The following EPHB3 variants were observed in gnomAD, a reference collection of about 807,000 sequenced individuals.
The protein encoded by EPHB3 is EPH receptor B3.
Under a neutral mutation model 100.2 loss-of-function variants are expected in EPHB3, and 33 were observed. The observed-to-expected ratio is 0.33, with a 90% CI of 0.25 to 0.44. The LOEUF is 0.44. Ranked by LOEUF, EPHB3 falls within the 20% of genes least tolerant of loss-of-function variation. EPHB3 has a pLI of 1.00. For synonymous variants in EPHB3, 526 were observed against 554.7 expected, an observed-to-expected ratio of 0.95 and a Z score of 0.73; for missense variants, 1,045 against 1,378.3, an observed-to-expected ratio of 0.76 and a Z score of 3.83.
Position 184,563,474 on chromosome 3 carries a change from A to C in EPHB3, c.118+1121A>C, listed in dbSNP as rs1159775380. 1.3e-5 allele frequency among the ~76,000 whole-genome samples: 2 copies of C among 152,232 alleles called. No individual in the cohort carries two copies. The highest frequency in any genetic ancestry group is 6.5e-5 in the Admixed American group (1 of 15,282). On this transcript the variant is annotated intron_variant, in intron 1 of 15. Coordinates refer to ENST00000330394, the MANE Select transcript of EPHB3 (RefSeq NM_004443.4). This position sits in a 1 kb window ranked among gnomAD's most constrained non-coding sequence, Gnocchi z 4.1. ...GAACTTGGCTTGTTCTTATGTTCAC[A>C]GTCGGTAAACTTAAAGGTTGGAAGG...
In EPHB3 at chr3:184,581,362, A is replaced by C; in HGVS notation, c.2842A>C (p.Ser948Arg). The change falls in exon 15 of 16, where the codon AGT (serine) becomes CGT (arginine). Residue 948 changes from serine to arginine, a missense_variant. This residue lies in a region of EPHB3 where 985 missense variants were observed against 1,331.1 expected (regional missense o/e 0.74). Coordinates refer to ENST00000330394, the MANE Select transcript of EPHB3 (RefSeq NM_004443.4). ...KMGRYKESFV[S>R]AGFASFDLVA... ...GGGGCGGTACAAGGAGAGCTTCGTC[A>C]GTGCGGGGTTTGCATCTTTTGACCT... The C allele has an allele frequency of 6.2e-7, 1 of 1,606,108 alleles. No individual in the cohort carries two copies. The highest frequency in any genetic ancestry group is 8.5e-7 in the Non-Finnish European group (1 of 1,175,842).
rs1224571646 is a variant in EPHB3, at chr3:184,573,916, T to C, written c.856+740T>C. 2.0e-5 allele frequency among the ~76,000 whole-genome samples: 3 copies of C among 152,110 alleles called. No homozygotes were observed. Among genetic ancestry groups the C allele is most frequent in the Non-Finnish European group, 4.4e-5 (3 of 68,014 alleles). On this transcript the variant is annotated intron_variant, in intron 3 of 15. Coordinates refer to ENST00000330394, the MANE Select transcript of EPHB3 (RefSeq NM_004443.4). The surrounding 1 kb of genome is among the most constrained non-coding windows in gnomAD (Gnocchi z 4.5). ...ATTTTTAGTAGACCGGGTTTCACCA[T>C]GTTGGTCAGGCTGGTCTCGAACTCC... is the stretch of plus-strand genomic sequence containing the variant.
chr3:184,562,250 C>CCCGCCG lies in EPHB3; in HGVS notation c.25_30dup (p.Pro9_Pro10dup), dbSNP rs763165946. ...CTGCCACGGCCATGGCCAGAGCCCGCCCGCCGCCGCCGCCGTCGCCGCCGC... is the reference window on the plus strand; with the variant it reads ...CTGCCACGGCCATGGCCAGAGCCCGCCCGCCGCCGCCGCCGCCGCCGTCGCCGCCGC... On this transcript the variant is annotated inframe_insertion, in exon 1 of 16. Transcript: ENST00000330394. This position sits in a 1 kb window ranked among gnomAD's most constrained non-coding sequence, Gnocchi z 4.8. The CCCGCCG allele has an allele frequency of 8.4e-6, 9 of 1,077,060 alleles. No individual in the cohort carries two copies. Among genetic ancestry groups the CCCGCCG allele is most frequent in the African/African-American group, 1.7e-5 (1 of 59,490 alleles). 66.7% of individuals were successfully genotyped at this position (1,077,060 alleles called of 1,614,324 possible).
chr3:184,574,287 T>C (rs907154229), intron 3 of EPHB3, among the ~76,000 whole-genome samples: 16 of 152,328 alleles, frequency 1.1e-4, no homozygotes, highest in African/African-American at 3.8e-4. Context: ...CCAAGACTTA[T>C]GTACTAGGCT....
rs368629402 is a variant in EPHB3, at chr3:184,566,026, TG to T, written c.118+3681del. ...AACTGGTTTGTCGGGATTGGGCAGC[TG>T]GGGGGGGTGAAGGGTGGAGGGAGAC... On this transcript the variant is annotated intron_variant, in intron 1 of 15. Coordinates refer to ENST00000330394, the MANE Select transcript of EPHB3 (RefSeq NM_004443.4). 2.8e-4 allele frequency among the ~76,000 whole-genome samples: 42 copies of T among 151,752 alleles called. No individual in the cohort carries two copies. In the East Asian group the frequency reaches 7.2e-3, roughly 26 times the overall value.
At position 184,563,717 on chromosome 3, in the gene EPHB3, C is replaced by T. The variant is rs116003872; in HGVS notation, c.118+1364C>T. On this transcript the variant is annotated intron_variant, in intron 1 of 15. Transcript: ENST00000330394. The surrounding 1 kb of genome is among the most constrained non-coding windows in gnomAD (Gnocchi z 4.1). ...CACATGTGTGTGATAGGATCGCAGG[C>T]GTGAGAACCCAGTGTGGGGCTTTGT... Among the ~76,000 whole-genome samples the T allele has an allele frequency of 3.3e-3, 498 of 152,324 alleles. 4 individuals carry two copies. Among genetic ancestry groups the T allele is most frequent in the African/African-American group, 0.011 (448 of 41,570 alleles).
rs1236876255 is a variant in EPHB3 at position 184,577,270 on chromosome 3, C to A, written c.1355-73C>A. On this transcript the variant is annotated intron_variant, in intron 5 of 15. Coordinates refer to ENST00000330394, the MANE Select transcript of EPHB3 (RefSeq NM_004443.4). This position sits in a 1 kb window ranked among gnomAD's most constrained non-coding sequence, Gnocchi z 4.9. The stretch of plus-strand genomic sequence containing the variant: ...GACCTGCTAAGGGACCACTGGGGGT[C>A]CCATGGGAAGTGGGTCTTTGGGAAG... The A allele has an allele frequency of 1.1e-5, 17 of 1,587,828 alleles. No homozygotes were observed. Among genetic ancestry groups the A allele is most frequent in the Non-Finnish European group, 1.5e-5 (17 of 1,166,100 alleles).
intron 1 of EPHB3, among the ~76,000 whole-genome samples, chr3:184,568,556 T>G (rs1714453135): frequency 6.6e-6 from 1 of 151,936 alleles, no homozygotes; most frequent in Admixed American, 6.5e-5. Flanking sequence ...GGGCTGGGTC[T>G]CTTTCTCCCA....
At chr3:184,566,288 C>G (rs1714383389) in intron 1 of EPHB3, among the ~76,000 whole-genome samples, 1 of 152,340 alleles carries the variant, frequency 6.6e-6, no homozygotes, top group Non-Finnish European at 1.5e-5. Context: ...CGTTTGGGCT[C>G]CCCGCCCTGG....
rs1714294393 is a variant in EPHB3 at position 184,562,912 on chromosome 3, G to T, written c.118+559G>T. 6.6e-6 allele frequency among the ~76,000 whole-genome samples: 1 copy of T among 152,266 alleles called. No homozygotes were observed. Among genetic ancestry groups the T allele is most frequent in the Admixed American group, 6.5e-5 (1 of 15,294 alleles). On this transcript the variant is annotated intron_variant, in intron 1 of 15. Transcript: ENST00000330394. This position sits in a 1 kb window ranked among gnomAD's most constrained non-coding sequence, Gnocchi z 4.8. ...TTACCGGGCGCCAATTACACCCGAG[G>T]TGCTGTATGGGCGGGCCCCCGCACC...
rs1577529928 is a variant in EPHB3 at position 184,577,577 on chromosome 3, A to G, written c.1480-81A>G. 2 of 1,574,930 alleles carry G rather than the reference A, an allele frequency of 1.3e-6. No individual in the cohort carries two copies. Among genetic ancestry groups the G allele is most frequent in the Admixed American group, 1.7e-5 (1 of 57,488 alleles). ...GCAAGGCCTTGGGTATGGAGGGGGC[A>G]TGTGGCAGGCCTGGGTGTGAATAGG... On this transcript the variant is annotated intron_variant, in intron 6 of 15. Coordinates refer to ENST00000330394, the MANE Select transcript of EPHB3 (RefSeq NM_004443.4). This position sits in a 1 kb window ranked among gnomAD's most constrained non-coding sequence, Gnocchi z 4.9.
rs182245156 is a variant in EPHB3, at chr3:184,563,859, T to A, written c.118+1506T>A. ...ACTGGTACACACACACTCATACACTTACGGGGCTATGTGTCACCTGTGTGT... is the reference window on the plus strand; with the variant it reads ...ACTGGTACACACACACTCATACACTAACGGGGCTATGTGTCACCTGTGTGT... On this transcript the variant is annotated intron_variant, in intron 1 of 15. Transcript: ENST00000330394. This position sits in a 1 kb window ranked among gnomAD's most constrained non-coding sequence, Gnocchi z 4.1. Among the ~76,000 whole-genome samples the A allele has an allele frequency of 2.6e-5, 4 of 152,346 alleles. No individual in the cohort carries two copies. The East Asian group carries it at 7.7e-4, about 29-fold the overall frequency.
rs926795612 is a variant in EPHB3, at chr3:184,573,406, T to C, written c.856+230T>C. 6.6e-6 allele frequency among the ~76,000 whole-genome samples: 1 copy of C among 151,868 alleles called. No individual in the cohort carries two copies. Among genetic ancestry groups the C allele is most frequent in the Non-Finnish European group, 1.5e-5 (1 of 67,944 alleles). On this transcript the variant is annotated intron_variant, in intron 3 of 15. Transcript: ENST00000330394. The surrounding 1 kb of genome is among the most constrained non-coding windows in gnomAD (Gnocchi z 4.5). ...AAGGATAGTAAGAGAAAAAATGACATTAAAGAGAGAGGAAGAGAAGCATGC... is the reference window on the plus strand; with the variant it reads ...AAGGATAGTAAGAGAAAAAATGACACTAAAGAGAGAGGAAGAGAAGCATGC...
At position 184,572,923 on chromosome 3, in the gene EPHB3, G is replaced by A. The variant is rs546016485; in HGVS notation, c.603G>A (p.Ser201=). The A allele has an allele frequency of 8.9e-6, 14 of 1,568,116 alleles. No homozygotes were observed. The South Asian group carries it at 1.4e-4, about 16-fold the overall frequency. ...LAFQDQGACM[S]LISVRAFYKK... ...TCCAGGACCAGGGCGCCTGCATGTC[G>A]CTCATCTCCGTGCGCGCCTTCTACA... The change falls in exon 3 of 16, where the codon TCG becomes TCA. Residue 201 remains serine, a synonymous_variant. Coordinates refer to ENST00000330394, the MANE Select transcript of EPHB3 (RefSeq NM_004443.4). This position sits in a 1 kb window ranked among gnomAD's most constrained non-coding sequence, Gnocchi z 6.6.
At chr3:184,568,464 C>T (rs1714451123) in intron 1 of EPHB3, among the ~76,000 whole-genome samples, 2 of 152,224 alleles carry the variant, frequency 1.3e-5, no homozygotes, top group Admixed American at 1.3e-4. Context: ...CCTCATACCC[C>T]CGTCCCAACG....
intron 1 of EPHB3, among the ~76,000 whole-genome samples, chr3:184,566,095 C>T (rs909625987): frequency 6.6e-6 from 1 of 152,180 alleles, no homozygotes; most frequent in Non-Finnish European, 1.5e-5. Context: ...AGGCCCCCTG[C>T]CCAAGGGCTA....
rs1255765220 is a variant in EPHB3 at position 184,563,271 on chromosome 3, C to A, written c.118+918C>A. Among the ~76,000 whole-genome samples, 1 of 152,150 alleles carries A rather than the reference C, an allele frequency of 6.6e-6. No individual in the cohort carries two copies. The highest frequency in any genetic ancestry group is 1.5e-5 in the Non-Finnish European group (1 of 68,008). ...ATAGGGAGGCCCACACACACTCACG[C>A]CCCGTTTCCAAGAATTTCGGAGCCA... is the stretch of plus-strand genomic sequence containing the variant. On this transcript the variant is annotated intron_variant, in intron 1 of 15. Transcript: ENST00000330394. The surrounding 1 kb of genome is among the most constrained non-coding windows in gnomAD (Gnocchi z 4.1).
rs148183620 is a variant in EPHB3 at position 184,579,610 on chromosome 3, C to A, written c.1924+11C>A. On this transcript the variant is annotated intron_variant, in intron 10 of 15. Transcript: ENST00000330394. The surrounding 1 kb of genome is among the most constrained non-coding windows in gnomAD (Gnocchi z 5.2). ...AGGTGATCGGAGCTGGTGAGTCTCC[C>A]GGGGCACAGTAGAGATGAGAAGCTG... is the stretch of plus-strand genomic sequence containing the variant. The A allele has an allele frequency of 6.2e-7, 1 of 1,613,692 alleles. No homozygotes were observed. The highest frequency in any genetic ancestry group is 8.5e-7 in the Non-Finnish European group (1 of 1,179,904).
In EPHB3 at chr3:184,572,905, C is replaced by G. The variant is rs1175361379; in HGVS notation, c.585C>G (p.Asp195Glu). ...SKAGFYLAFQ[D>E]QGACMSLISV... ...CTGGCTTCTACCTGGCCTTCCAGGA[C>G]CAGGGCGCCTGCATGTCGCTCATCT... The change falls in exon 3 of 16, where the codon GAC becomes GAG. Residue 195 changes from aspartate to glutamate, a missense_variant. Coordinates refer to ENST00000330394, the MANE Select transcript of EPHB3 (RefSeq NM_004443.4). The surrounding 1 kb of genome is among the most constrained non-coding windows in gnomAD (Gnocchi z 6.6). 1 of 1,563,558 alleles carries G rather than the reference C, an allele frequency of 6.4e-7. No homozygotes were observed. The highest frequency in any genetic ancestry group is 2.3e-5 in the East Asian group (1 of 44,408).
Sources: gnomAD v4.1 joint callset for allele counts (sites outside exome capture counted in the v4.1 genomes callset) on GRCh38, gnomAD v4.1.1 for gene constraint, gnomAD v4.1.1 regional missense constraint, Gnocchi (gnomAD v3.1) non-coding constraint, MANE v1.5 for transcripts, NCBI Gene and HGNC (gene_info 2026-07-23, HGNC 2026-07-21) for gene names.